Variants in ADGRV1 observed in about 807,000 individuals in gnomAD.
ADGRV1 encodes the protein adhesion G protein-coupled receptor V1.
In ADGRV1, 359 loss-of-function variants were observed where a neutral mutation model predicts 596.2. The ratio of observed to expected loss-of-function variants is 0.60; its 90% CI spans 0.55 to 0.66. ADGRV1 has a LOEUF of 0.66. Among genes scored for constraint, ADGRV1 ranks in the 30% least tolerant of loss-of-function variants. The pLI, the probability that ADGRV1 is intolerant of heterozygous loss-of-function variation, is 0.00. For synonymous variants in ADGRV1, 2,681 were observed against 2,679.2 expected (o/e 1.00, Z -0.02); for missense variants, 7,274 against 7,575.6 (o/e 0.96, Z 1.48).
chr5:91,028,859 C>CTCT, intron 85 of ADGRV1, among the ~76,000 whole-genome samples: 1 of 151,074 alleles, frequency 6.6e-6, no homozygotes, highest in Non-Finnish European at 1.5e-5. Flanking sequence ...TTGCATCAGC[C>CTCT]TCTTGCATAG....
At chr5:90,853,114 A>G (rs1041787322) in intron 79 of ADGRV1, among the ~76,000 whole-genome samples, 170 bp from the exon 80 acceptor site, 5 of 152,206 alleles carry the variant, frequency 3.3e-5, no homozygotes, top group South Asian at 2.1e-4. Context: ...AATCATGACA[A>G]TTATCCACAA....
At chr5:90,867,249 A>G (rs1424832087) in intron 83 of ADGRV1, among the ~76,000 whole-genome samples, 1 of 152,166 alleles carries the variant, frequency 6.6e-6, no homozygotes, top group Non-Finnish European at 1.5e-5. Context: ...TCTGATTAAT[A>G]ATACTTAACA....
chr5:90,775,128 C>T (rs979306025), intron 60 of ADGRV1, among the ~76,000 whole-genome samples: 12 of 152,104 alleles, frequency 7.9e-5, no homozygotes, highest in African/African-American at 2.7e-4. Flanking sequence ...AAAACTGGTT[C>T]AGAAACTTTT....
chr5:90,586,530 ATTTG>A (rs1397075077), intron 1 of ADGRV1, among the ~76,000 whole-genome samples: 2 of 152,208 alleles, frequency 1.3e-5, no homozygotes, highest in Non-Finnish European at 2.9e-5. Flanking sequence ...CATGTTCTGA[ATTTG>A]TTTGTTCTCT....
At chr5:90,769,420 A>G (rs753121904) in intron 59 of ADGRV1, among the ~76,000 whole-genome samples, 2 of 152,148 alleles carry the variant, frequency 1.3e-5, no homozygotes, top group East Asian at 1.9e-4. Flanking sequence ...AACTTTGTTA[A>G]GTATCACTGT....
At position 90,693,996 on chromosome 5, in the gene ADGRV1, C is replaced by T. The variant is rs1424340849; in HGVS notation, c.7240C>T (p.Pro2414Ser). The T allele has an allele frequency of 1.2e-6, 2 of 1,613,512 alleles. No individual in the cohort carries two copies. The highest frequency in any genetic ancestry group is 1.1e-5 in the South Asian group (1 of 91,038). ...GQDLLSYYES[P>S]IQGVPDPLWR... ...AGATTTACTGTCCTACTATGAATCT[C>T]CAATTCAAGGGGTGCCTGACCCACT... Residue 2414 changes from proline to serine, a missense_variant, in exon 33 of 90, where the codon CCA (proline) becomes TCA (serine). Transcript: ENST00000405460.
rs942088323 is a variant in ADGRV1, at chr5:90,691,240, G to A, written c.6951+199G>A. On this transcript the variant is annotated intron_variant, in intron 31 of 89. Coordinates refer to ENST00000405460, the MANE Select transcript of ADGRV1 (RefSeq NM_032119.4). ...TTCTAGAAATAGATTGTATACATAT[G>A]CCAGTTTACTACTATAAGACTTTTT... 5 of 691,282 alleles carry A rather than the reference G, an allele frequency of 7.2e-6. No individual in the cohort carries two copies. The East Asian group carries it at 1.6e-4, about 22-fold the overall frequency. 42.8% of individuals were successfully genotyped at this position (691,282 alleles called of 1,614,324 possible).
intron 20 of ADGRV1, 79 bp from the exon 21 acceptor site, chr5:90,657,826 T>A (rs529836052): frequency 7.1e-7 from 1 of 1,406,712 alleles, no homozygotes; most frequent in Non-Finnish European, 9.4e-7. Context: ...TAAAATTGTC[T>A]TACTTTCTGA....
chr5:91,081,212 T>G (rs575634083), intron 86 of ADGRV1, among the ~76,000 whole-genome samples: 1 of 152,228 alleles, frequency 6.6e-6, no homozygotes, highest in African/African-American at 2.4e-5. Context: ...GGGCTCCACC[T>G]TCATGAGATT....
intron 50 of ADGRV1, among the ~76,000 whole-genome samples, chr5:90,737,105 T>G (rs144080474): frequency 7.8e-4 from 118 of 152,052 alleles, no homozygotes; most frequent in African/African-American, 2.7e-3. Flanking sequence ...TAAATTTTCC[T>G]TTTTGGACTG....
At chr5:90,716,833 T>G in intron 43 of ADGRV1, 104 bp downstream of exon 43, 1 of 792,644 alleles carries the variant, frequency 1.3e-6, no homozygotes, top group Admixed American at 2.5e-5. Flanking sequence ...AAACAATACT[T>G]CCAGCTTAGG....
chr5:90,690,653 C>G, intron 30 of ADGRV1, 144 bp from the exon 31 acceptor site: 1 of 802,460 alleles, frequency 1.2e-6, no homozygotes, highest in Non-Finnish European at 1.9e-6. Context: ...ATTTGTATCA[C>G]AGCATGTTAC....
At chr5:90,924,689 G>C (rs374500360) in intron 83 of ADGRV1, among the ~76,000 whole-genome samples, 5 of 151,938 alleles carry the variant, frequency 3.3e-5, no homozygotes, top group Non-Finnish European at 7.4e-5. Context: ...TTGGTGTTTT[G>C]GACATGAAGT....
intron 62 of ADGRV1, among the ~76,000 whole-genome samples, 155 bp downstream of exon 62, chr5:90,778,198 G>A (rs931972430): frequency 6.6e-6 from 1 of 151,686 alleles, no homozygotes; most frequent in Non-Finnish European, 1.5e-5. Context: ...TGTGGTTGGC[G>A]TGCACGTGTG....
intron 25 of ADGRV1, among the ~76,000 whole-genome samples, chr5:90,677,440 C>T (rs942981471): frequency 6.6e-6 from 1 of 152,062 alleles, no homozygotes. Flanking sequence ...TTCTTGTCTT[C>T]CAGAGACAAG....
In ADGRV1 at chr5:90,950,031, T is replaced by C. The variant is rs57830245; in HGVS notation, c.17857-15384T>C. On this transcript the variant is annotated intron_variant, in intron 83 of 89. Coordinates refer to ENST00000405460, the MANE Select transcript of ADGRV1 (RefSeq NM_032119.4). The stretch of plus-strand genomic sequence containing the variant: ...CCCTATCAGCATCTTAACAATTGAA[T>C]GTTTCTGAATGTCGGAGAACTGGAG... Among the ~76,000 whole-genome samples, 786 of 152,310 alleles carry C rather than the reference T, an allele frequency of 5.2e-3. 8 individuals are homozygous for C. The highest frequency in any genetic ancestry group is 0.018 in the African/African-American group (746 of 41,574).
chr5:90,686,683 A>T (rs1300420056), intron 29 of ADGRV1, among the ~76,000 whole-genome samples: 2 of 152,164 alleles, frequency 1.3e-5, no homozygotes, highest in African/African-American at 4.8e-5. Context: ...ATACGTGTGC[A>T]TGTGTCTTTA....
At chr5:90,976,630 C>A (rs1384478880) in intron 84 of ADGRV1, among the ~76,000 whole-genome samples, 1 of 151,758 alleles carries the variant, frequency 6.6e-6, no homozygotes, top group Admixed American at 6.6e-5. Context: ...AGTTGGATTT[C>A]CAAAGCATGA....
chr5:91,081,472 T>C (rs568256875), intron 86 of ADGRV1, among the ~76,000 whole-genome samples: 90 of 152,164 alleles, frequency 5.9e-4, no homozygotes, highest in Non-Finnish European at 1.1e-3. Flanking sequence ...TGACAATCAT[T>C]AGGCTATAGA....
Sources: allele counts gnomAD v4.1 joint callset (sites outside exome capture counted in the v4.1 genomes callset), GRCh38; gene constraint gnomAD v4.1.1; transcripts MANE v1.5; gene names NCBI Gene and HGNC (gene_info 2026-07-23, HGNC 2026-07-21).